The following TNRC6B variants were observed in gnomAD, a reference collection of about 807,000 sequenced individuals.
TNRC6B encodes the protein trinucleotide repeat containing adaptor 6B, also known as trinucleotide repeat-containing gene 6B protein.
TNRC6B carries 52 observed loss-of-function variants against 203.6 expected under a neutral mutation model. That is an observed-to-expected ratio of 0.26 (90% CI 0.20 to 0.32). The LOEUF (loss-of-function observed/expected upper bound fraction) is 0.32, where lower values mean the gene tolerates loss of function less well. Among genes scored for constraint, TNRC6B ranks in the 10% least tolerant of loss-of-function variants. The probability of loss-of-function intolerance (pLI) is 1.00; values close to 1 mark genes in which losing one functional copy is unlikely to be tolerated. For missense variants in TNRC6B, 1,923 were observed against 2,286.2 expected (o/e 0.84, Z 3.24); for synonymous variants, 838 against 845.7 (o/e 0.99, Z 0.16).
chr22:40,150,704 A>G (rs1264071932), intron 3 of TNRC6B, among the ~76,000 whole-genome samples: 1 of 152,220 alleles, frequency 6.6e-6, no homozygotes, highest in Non-Finnish European at 1.5e-5. Context: ...ATGCTGACAT[A>G]TGAGACTTTA....
chr22:40,249,870 T>C (rs1306132529), intron 2 of TNRC6B, among the ~76,000 whole-genome samples: 5 of 152,208 alleles, frequency 3.3e-5, no homozygotes. Context: ...TTCCACAAAT[T>C]CACTGTAATA....
chr22:40,226,301 A>T (rs186022243), intron 1 of TNRC6B, among the ~76,000 whole-genome samples: 2 of 152,260 alleles, frequency 1.3e-5, no homozygotes, highest in Admixed American at 1.3e-4. Flanking sequence ...TTGAATTCAG[A>T]GTTGATTTTC....
At chr22:40,082,776 G>A (rs771594349) in intron 1 of TNRC6B, among the ~76,000 whole-genome samples, 11 of 152,326 alleles carry the variant, frequency 7.2e-5, no homozygotes, top group Middle Eastern at 6.8e-3. Flanking sequence ...GGGACTTCCC[G>A]GTGGATTAGA....
At chr22:40,155,020 G>T (rs561841072) in intron 3 of TNRC6B, among the ~76,000 whole-genome samples, 1 of 148,778 alleles carries the variant, frequency 6.7e-6, no homozygotes, top group East Asian at 2.0e-4. Context: ...TTACCTTTTT[G>T]TAACTCACCC....
chr22:40,282,134 T>C (rs746696347), intron 11 of TNRC6B, among the ~76,000 whole-genome samples: 3 of 152,250 alleles, frequency 2.0e-5, no homozygotes, highest in Non-Finnish European at 4.4e-5. Flanking sequence ...GGGAGGACGT[T>C]AATTATACAA....
intron 3 of TNRC6B, among the ~76,000 whole-genome samples, chr22:40,129,487 G>C (rs1348733909): frequency 6.6e-6 from 1 of 152,102 alleles, no homozygotes; most frequent in South Asian, 2.1e-4. Context: ...GTATTTTGGC[G>C]CCAAAACTGA....
chr22:40,097,213 T>G (rs1251172937), intron 1 of TNRC6B, among the ~76,000 whole-genome samples: 1 of 151,648 alleles, frequency 6.6e-6, no homozygotes, highest in Admixed American at 6.6e-5. Flanking sequence ...TAAGAGCAAT[T>G]TATGCTCTTT....
At chr22:40,094,207 C>T (rs895824952) in intron 1 of TNRC6B, among the ~76,000 whole-genome samples, 3 of 152,082 alleles carry the variant, frequency 2.0e-5, no homozygotes, top group Non-Finnish European at 2.9e-5. Flanking sequence ...CTACACAGTA[C>T]GCATCTAGTA....
intron 21 of TNRC6B, among the ~76,000 whole-genome samples, chr22:40,319,825 A>G (rs777217005): frequency 3.9e-5 from 6 of 152,148 alleles, no homozygotes; most frequent in Non-Finnish European, 8.8e-5. Context: ...GTTCGGTACT[A>G]TTGGTGGTTT....
At chr22:40,140,578 A>T (rs1046862977) in intron 3 of TNRC6B, among the ~76,000 whole-genome samples, 1 of 152,224 alleles carries the variant, frequency 6.6e-6, no homozygotes, top group Non-Finnish European at 1.5e-5. Context: ...TCTAAGAAAG[A>T]TATTAAGAGC....
intron 15 of TNRC6B, among the ~76,000 whole-genome samples, chr22:40,302,932 CTG>C (rs1448050663): frequency 6.6e-6 from 1 of 152,130 alleles, no homozygotes; most frequent in Non-Finnish European, 1.5e-5. Context: ...AAGGTCAGCT[CTG>C]TGCTCATCTG....
Position 40,264,841 on chromosome 22 carries a change from C to T in TNRC6B, c.611C>T (p.Ala204Val). The T allele has an allele frequency of 6.2e-7, 1 of 1,613,872 alleles. No individual in the cohort carries two copies. Among genetic ancestry groups the T allele is most frequent in the African/African-American group, 1.3e-5 (1 of 74,988 alleles). The change falls in exon 5 of 23, where the codon GCC becomes GTC. Residue 204 changes from alanine (A) to valine (V), a missense_variant. Coordinates refer to ENST00000454349, the MANE Select transcript of TNRC6B (RefSeq NM_001162501.2). The stretch of plus-strand genomic sequence containing the variant: ...GACATGGAAGAGTGGCCTTGTATTG[C>T]CAGCAAAGACACTGAATCTTCTTCC... Reference protein sequence around the residue: ...GSDMEEWPCIASKDTESSSEN... With the variant: ...GSDMEEWPCIVSKDTESSSEN...
rs1228601432 is a variant in TNRC6B at position 40,315,578 on chromosome 22, G to A, written c.4903+71G>A. ...GGCTTATGTTAACACAGATGGTGAAGACACAAAGAGGTCTTCCCAAGAGAG... is the reference window on the plus strand; with the variant it reads ...GGCTTATGTTAACACAGATGGTGAAAACACAAAGAGGTCTTCCCAAGAGAG... On this transcript the variant is annotated intron_variant, in intron 20 of 22. Transcript: ENST00000454349. The A allele has an allele frequency of 7.4e-6, 11 of 1,493,548 alleles. 1 individual carries two copies. The highest frequency in any genetic ancestry group is 1.0e-5 in the Non-Finnish European group (11 of 1,093,474). 92.5% of individuals were successfully genotyped at this position (1,493,548 alleles called of 1,614,324 possible).
At chr22:40,055,844 A>G (rs1375215110) in intron 1 of TNRC6B, among the ~76,000 whole-genome samples, 2 of 152,224 alleles carry the variant, frequency 1.3e-5, no homozygotes, top group Admixed American at 6.5e-5. Flanking sequence ...AGAGGAAATC[A>G]GAAAAGAGGA....
At chr22:40,050,929 A>T (rs1002290810) in intron 1 of TNRC6B, among the ~76,000 whole-genome samples, 1 of 151,776 alleles carries the variant, frequency 6.6e-6, no homozygotes, top group African/African-American at 2.4e-5. Flanking sequence ...GGTTCAAGCA[A>T]TTCTTCTGCC....
At chr22:40,079,825 T>A (rs944842807) in intron 1 of TNRC6B, among the ~76,000 whole-genome samples, 8 of 151,944 alleles carry the variant, frequency 5.3e-5, no homozygotes, top group South Asian at 2.1e-4. Context: ...AGATGGAGTC[T>A]CGCTCTGTCG....
At chr22:40,237,932 C>A (rs375600326) in intron 1 of TNRC6B, among the ~76,000 whole-genome samples, 62 of 152,012 alleles carry the variant, frequency 4.1e-4, no homozygotes, top group African/African-American at 1.5e-3. Context: ...CAGGGACCAT[C>A]CTTCTTTTGC....
chr22:40,235,313 G>A (rs2069932857), intron 1 of TNRC6B, among the ~76,000 whole-genome samples: 1 of 152,166 alleles, frequency 6.6e-6, no homozygotes, highest in Non-Finnish European at 1.5e-5. Flanking sequence ...AATGGTACTT[G>A]AGAGGCTGAG....
intron 12 of TNRC6B, among the ~76,000 whole-genome samples, chr22:40,292,520 C>T (rs2070882230): frequency 6.6e-6 from 1 of 152,196 alleles, no homozygotes; most frequent in Admixed American, 6.6e-5. Context: ...TGTCATTTTG[C>T]ACCTGCAGTG....
Sources: allele counts gnomAD v4.1 joint callset (sites outside exome capture counted in the v4.1 genomes callset), GRCh38; gene constraint gnomAD v4.1.1; transcripts MANE v1.5; gene names NCBI Gene and HGNC (gene_info 2026-07-23, HGNC 2026-07-21).